The following OSBPL1A variants were observed in gnomAD, a reference collection of about 807,000 sequenced individuals.
The protein encoded by OSBPL1A is oxysterol-binding protein-related protein 1.
OSBPL1A carries 80 observed loss-of-function variants against 137.1 expected under a neutral mutation model. That is an observed-to-expected ratio of 0.58 (90% CI 0.49 to 0.70). OSBPL1A has a LOEUF of 0.70. Ranked by LOEUF, OSBPL1A falls within the 30% of genes least tolerant of loss-of-function variation. The probability of loss-of-function intolerance (pLI) is 0.00; values close to 1 mark genes in which losing one functional copy is unlikely to be tolerated. For missense variants in OSBPL1A, 970 were observed against 1,129.4 expected (o/e 0.86, Z 2.02); for synonymous variants, 365 against 389.7 (o/e 0.94, Z 0.75).
At chr18:24,256,522 GA>G (rs1355724628) in intron 15 of OSBPL1A, among the ~76,000 whole-genome samples, 1 of 152,100 alleles carries the variant, frequency 6.6e-6, no homozygotes, top group African/African-American at 2.4e-5. Context: ...ACTAAATGAG[GA>G]AAAACTGAAA....
intron 16 of OSBPL1A, among the ~76,000 whole-genome samples, chr18:24,231,127 T>C (rs934354225): frequency 1.3e-5 from 2 of 152,050 alleles, no homozygotes; most frequent in East Asian, 3.9e-4. Flanking sequence ...AAACATATAT[T>C]TTACAAGATA....
At chr18:24,180,484 T>TGTGTATGC (rs58016943) in intron 19 of OSBPL1A, among the ~76,000 whole-genome samples, 3 of 151,392 alleles carry the variant, frequency 2.0e-5, no homozygotes, top group African/African-American at 4.9e-5. Flanking sequence ...TGTGTGTGTG[T>TGTGTATGC]ATGTGTTAAC....
chr18:24,379,574 CGAA>C (rs1906436997), intron 1 of OSBPL1A, among the ~76,000 whole-genome samples: 1 of 149,326 alleles, frequency 6.7e-6, no homozygotes, highest in Non-Finnish European at 1.5e-5. Context: ...AACATTGAAA[CGAA>C]GTTCTAAAAA....
At position 24,178,138 on chromosome 18, in the gene OSBPL1A, A is replaced by G. The variant is rs1406221005; in HGVS notation, c.1968T>C (p.Ser656=). 1 of 1,613,614 alleles carries G rather than the reference A, an allele frequency of 6.2e-7. No homozygotes were observed. Among genetic ancestry groups the G allele is most frequent in the Admixed American group, 1.7e-5 (1 of 59,954 alleles). Residue 656 remains serine (S), a synonymous_variant, in exon 21 of 28, where the codon AGT becomes AGC. Coordinates refer to ENST00000319481, the MANE Select transcript of OSBPL1A (RefSeq NM_080597.4). ...SEQVSHHPPI[S]AFHAEGLNND... is the part of the protein sequence containing the mutation. ...TGTTTAATCCTTCAGCATGAAATGC[A>G]CTGATTGGTGGGTGATGGCTGACCT... is the stretch of plus-strand genomic sequence containing the variant.
intron 4 of OSBPL1A, chr18:24,358,254 C>A (rs539638154): frequency 5.5e-6 from 3 of 541,478 alleles, no homozygotes; most frequent in African/African-American, 3.8e-5. Flanking sequence ...TCCAGAGTAT[C>A]CACGTATCCA....
At chr18:24,393,702 C>G (rs898102280) in intron 1 of OSBPL1A, among the ~76,000 whole-genome samples, 5 of 152,176 alleles carry the variant, frequency 3.3e-5, no homozygotes, top group African/African-American at 1.2e-4. Context: ...ATCCGCCCAT[C>G]TCGGCCTCCC....
intron 21 of OSBPL1A, among the ~76,000 whole-genome samples, chr18:24,174,215 G>T (rs1001675815): frequency 2.0e-5 from 3 of 151,928 alleles, no homozygotes. Context: ...TGGGATGAAC[G>T]TAAGTTTCCA....
At chr18:24,282,130 C>T (rs1412803085) in intron 14 of OSBPL1A, among the ~76,000 whole-genome samples, 1 of 151,148 alleles carries the variant, frequency 6.6e-6, no homozygotes, top group Non-Finnish European at 1.5e-5. Flanking sequence ...AAAACCAGTC[C>T]CTGGTGCCAA....
At chr18:24,358,856 C>T (rs550049475) in intron 4 of OSBPL1A, among the ~76,000 whole-genome samples, 78 of 152,334 alleles carry the variant, frequency 5.1e-4, no homozygotes, top group African/African-American at 1.8e-3. Flanking sequence ...AGCGATCCTC[C>T]TGCCTCAGCC....
At chr18:24,297,442 C>T (rs983029552) in intron 14 of OSBPL1A, among the ~76,000 whole-genome samples, 2 of 151,956 alleles carry the variant, frequency 1.3e-5, no homozygotes, top group South Asian at 2.1e-4. Flanking sequence ...TTCAAAGAAC[C>T]AGTTTTTTGT....
chr18:24,396,967 A>T (rs1311239861), intron 1 of OSBPL1A, among the ~76,000 whole-genome samples: 1 of 152,326 alleles, frequency 6.6e-6, no homozygotes, highest in African/African-American at 2.4e-5. Context: ...CATTTGCAAC[A>T]TTCAAGCAAC....
intron 15 of OSBPL1A, among the ~76,000 whole-genome samples, chr18:24,244,678 T>C (rs1057292504): frequency 1.4e-4 from 21 of 152,222 alleles, no homozygotes; most frequent in African/African-American, 4.3e-4. Context: ...AGTCTCTCAT[T>C]TCACTCCCTT....
chr18:24,193,381 G>A (rs2086942823), intron 18 of OSBPL1A, among the ~76,000 whole-genome samples: 2 of 151,534 alleles, frequency 1.3e-5, no homozygotes, highest in Non-Finnish European at 2.9e-5. Flanking sequence ...CCAGCTACTC[G>A]GGAGGCTGAG....
chr18:24,167,290 C>T (rs1173521419), intron 25 of OSBPL1A, 39 bp downstream of exon 25: 1 of 1,562,200 alleles, frequency 6.4e-7, no homozygotes, highest in Non-Finnish European at 8.8e-7. Flanking sequence ...CAATGCTAAA[C>T]ACAGACAGTG....
intron 1 of OSBPL1A, among the ~76,000 whole-genome samples, chr18:24,387,252 C>A (rs1284553425): frequency 1.3e-5 from 2 of 152,034 alleles, no homozygotes; most frequent in South Asian, 4.2e-4. Context: ...GGCAGGGTTT[C>A]CCCATGTTGC....
intron 4 of OSBPL1A, among the ~76,000 whole-genome samples, chr18:24,343,323 A>C (rs1248285890): frequency 6.6e-6 from 1 of 152,176 alleles, no homozygotes; most frequent in Admixed American, 6.5e-5. Context: ...AAAGAAATGT[A>C]AAATGACATA....
At chr18:24,217,099 C>T (rs1184620049) in intron 17 of OSBPL1A, among the ~76,000 whole-genome samples, 1 of 152,140 alleles carries the variant, frequency 6.6e-6, no homozygotes, top group Non-Finnish European at 1.5e-5. Context: ...GAGGGGCTTA[C>T]TCTGACCAAA....
At chr18:24,220,250 C>A (rs2087845019) in intron 17 of OSBPL1A, among the ~76,000 whole-genome samples, 1 of 152,240 alleles carries the variant, frequency 6.6e-6, no homozygotes, top group South Asian at 2.1e-4. Context: ...GAATACCAAG[C>A]ATCTTCTTCC....
At chr18:24,229,058 C>A (rs962121618) in intron 16 of OSBPL1A, among the ~76,000 whole-genome samples, 2 of 152,036 alleles carry the variant, frequency 1.3e-5, no homozygotes, top group East Asian at 3.9e-4. Flanking sequence ...AAAATTAGCC[C>A]GGCATAGTGG....
Sources: allele counts gnomAD v4.1 joint callset (sites outside exome capture counted in the v4.1 genomes callset), GRCh38; gene constraint gnomAD v4.1.1; transcripts MANE v1.5; gene names NCBI Gene and HGNC (gene_info 2026-07-23, HGNC 2026-07-21).